Variants in CDH13 observed in about 807,000 individuals in gnomAD.
The protein encoded by CDH13 is cadherin 13.
Under a neutral mutation model 63.8 loss-of-function variants are expected in CDH13, and 24 were observed. That is an observed-to-expected ratio of 0.38 (90% CI 0.27 to 0.53). CDH13 has a LOEUF of 0.53. Among genes scored for constraint, CDH13 ranks in the 20% least tolerant of loss-of-function variants. The probability of loss-of-function intolerance (pLI) is 0.85; values close to 1 mark genes in which losing one functional copy is unlikely to be tolerated. For synonymous variants in CDH13, 503 were observed against 355.3 expected, an observed-to-expected ratio of 1.42 and a Z score of -4.67; for missense variants, 1,049 against 903.1, an observed-to-expected ratio of 1.16 and a Z score of -2.07.
At chr16:83,442,907 A>C (rs2072522534) in intron 6 of CDH13, among the ~76,000 whole-genome samples, 1 of 152,248 alleles carries the variant, frequency 6.6e-6, no homozygotes, top group African/African-American at 2.4e-5. Flanking sequence ...CTGAAAAATA[A>C]AATTTCACCC....
At chr16:83,343,475 G>A (rs1343927804) in intron 5 of CDH13, among the ~76,000 whole-genome samples, 1 of 152,168 alleles carries the variant, frequency 6.6e-6, no homozygotes, top group Non-Finnish European at 1.5e-5. Flanking sequence ...ACTTATATAG[G>A]ATCAGGAGTG....
chr16:83,013,988 A>G (rs1036175799), intron 2 of CDH13, among the ~76,000 whole-genome samples: 3 of 152,164 alleles, frequency 2.0e-5, no homozygotes, highest in Admixed American at 2.0e-4. Context: ...AATAAAACAC[A>G]TATAACAGGC....
chr16:82,885,056 T>C (rs1763059148), intron 2 of CDH13, among the ~76,000 whole-genome samples: 1 of 152,140 alleles, frequency 6.6e-6, no homozygotes. Flanking sequence ...TAATTTTTCT[T>C]CCGGTACTAT....
At chr16:83,111,677 A>G (rs1270745915) in intron 3 of CDH13, among the ~76,000 whole-genome samples, 1 of 152,190 alleles carries the variant, frequency 6.6e-6, no homozygotes. Flanking sequence ...TGGAGAATGG[A>G]GTTGAGATGA....
intron 7 of CDH13, among the ~76,000 whole-genome samples, chr16:83,530,752 C>G (rs918502706): frequency 4.6e-5 from 7 of 152,080 alleles, no homozygotes; most frequent in African/African-American, 1.4e-4. Context: ...AGTCACTCAA[C>G]TGGTCCTGAC....
chr16:83,673,006 T>C (rs1914647900), intron 9 of CDH13, among the ~76,000 whole-genome samples: 1 of 152,204 alleles, frequency 6.6e-6, no homozygotes, highest in African/African-American at 2.4e-5. Context: ...CATTGCCCAA[T>C]ACATTAGTGC....
chr16:83,409,644 C>A (rs2092098129), intron 6 of CDH13, among the ~76,000 whole-genome samples: 2 of 152,238 alleles, frequency 1.3e-5, no homozygotes, highest in South Asian at 4.1e-4. Context: ...CAACATGCAT[C>A]TGCCTAGCCT....
chr16:82,954,883 A>G (rs1317674614), intron 2 of CDH13: 2 of 152,158 alleles, frequency 1.3e-5, no homozygotes, highest in Non-Finnish European at 2.9e-5. Context: ...AACTGAATAT[A>G]ATATCTGATC....
intron 3 of CDH13, among the ~76,000 whole-genome samples, chr16:83,034,069 G>A (rs1256881595): frequency 1.3e-5 from 2 of 152,138 alleles, no homozygotes; most frequent in South Asian, 2.1e-4. Context: ...AGTGCTGTCT[G>A]TGTGATCTTG....
intron 5 of CDH13, among the ~76,000 whole-genome samples, chr16:83,280,003 TAA>T (rs2089115506): frequency 6.6e-6 from 1 of 152,226 alleles, no homozygotes; most frequent in African/African-American, 2.4e-5. Flanking sequence ...TTTTTGCTGG[TAA>T]AGAGTCTTGC....
chr16:83,363,276 C>G (rs1453971050), intron 6 of CDH13, among the ~76,000 whole-genome samples: 2 of 152,180 alleles, frequency 1.3e-5, no homozygotes, highest in Admixed American at 1.3e-4. Flanking sequence ...GTTGGCATCT[C>G]TGTGAGTCTT....
chr16:83,123,700 C>A (rs2035688978), intron 3 of CDH13, among the ~76,000 whole-genome samples: 1 of 152,092 alleles, frequency 6.6e-6, no homozygotes. Flanking sequence ...ATAACGATTC[C>A]TTTTCCTTTG....
At chr16:83,009,776 A>G (rs188824856) in intron 2 of CDH13, among the ~76,000 whole-genome samples, 2 of 152,246 alleles carry the variant, frequency 1.3e-5, no homozygotes, top group Admixed American at 6.5e-5. Context: ...AATATTATCA[A>G]GTGTTGTCAC....
chr16:83,155,936 G>T (rs943038902), intron 4 of CDH13, among the ~76,000 whole-genome samples: 2 of 152,182 alleles, frequency 1.3e-5, no homozygotes, highest in African/African-American at 2.4e-5. Context: ...CAGTGACCCT[G>T]GAATCTTTGG....
chr16:83,121,842 G>A (rs527945489), intron 3 of CDH13, among the ~76,000 whole-genome samples: 1 of 152,236 alleles, frequency 6.6e-6, no homozygotes, highest in East Asian at 1.9e-4. Flanking sequence ...TTTCACAAGG[G>A]TGCTATGAAT....
intron 3 of CDH13, among the ~76,000 whole-genome samples, chr16:83,035,584 T>C (rs1350463442): frequency 6.6e-6 from 1 of 152,154 alleles, no homozygotes; most frequent in Non-Finnish European, 1.5e-5. Flanking sequence ...ACAAGCTGGA[T>C]GGAAGTGAGA....
At chr16:83,727,866 C>T (rs570244035) in intron 10 of CDH13, among the ~76,000 whole-genome samples, 1 of 152,226 alleles carries the variant, frequency 6.6e-6, no homozygotes, top group South Asian at 2.1e-4. Flanking sequence ...GCGGGGAGGG[C>T]AGCCATTCCC....
chr16:83,776,102 C>G (rs900210966), intron 11 of CDH13, among the ~76,000 whole-genome samples: 9 of 152,170 alleles, frequency 5.9e-5, no homozygotes, highest in African/African-American at 2.2e-4. Context: ...ACAAACTCAT[C>G]TTACTAACTT....
chr16:83,066,613 C>T (rs903166612), intron 3 of CDH13, among the ~76,000 whole-genome samples: 15 of 152,176 alleles, frequency 9.9e-5, no homozygotes, highest in African/African-American at 3.6e-4. Flanking sequence ...ATATGGTCAG[C>T]ATTTTCTGTC....
Sources: gnomAD v4.1 joint callset for allele counts (sites outside exome capture counted in the v4.1 genomes callset) on GRCh38, gnomAD v4.1.1 for gene constraint, MANE v1.5 for transcripts, NCBI Gene and HGNC (gene_info 2026-07-23, HGNC 2026-07-21) for gene names.